Variants in ZBBX observed in about 807,000 individuals in gnomAD.
ZBBX encodes zinc finger B-box domain-containing protein 1.
In ZBBX, 101 loss-of-function variants were observed where a neutral mutation model predicts 108.5. That is an observed-to-expected ratio of 0.93 (90% CI 0.79 to 1.10). ZBBX has a LOEUF of 1.10. Among genes scored for constraint, ZBBX ranks in the 50% least tolerant of loss-of-function variants. The probability of loss-of-function intolerance (pLI) is 0.00; values close to 1 mark genes in which losing one functional copy is unlikely to be tolerated. For synonymous variants in ZBBX, 356 were observed against 323.4 expected, an observed-to-expected ratio of 1.10 and a Z score of -1.08; for missense variants, 1,009 against 941.4, an observed-to-expected ratio of 1.07 and a Z score of -0.94.
intron 20 of ZBBX, among the ~76,000 whole-genome samples, chr3:167,256,143 CT>C (rs576395949): frequency 3.5e-3 from 530 of 152,206 alleles, no homozygotes; most frequent in Non-Finnish European, 6.3e-3. Flanking sequence ...GAATCTTATC[CT>C]CTTTTATGAT....
intron 1 of ZBBX, among the ~76,000 whole-genome samples, chr3:167,401,175 T>A (rs116492141): frequency 0.015 from 2,213 of 152,286 alleles, 57 homozygotes; most frequent in African/African-American, 0.051. Context: ...TCTAAGATTG[T>A]ATATCAGGGC....
At chr3:167,287,820 C>T (rs936582728) in intron 19 of ZBBX, among the ~76,000 whole-genome samples, 1 of 152,046 alleles carries the variant, frequency 6.6e-6, no homozygotes. Flanking sequence ...ATCATAAATA[C>T]ATTGTTTTCT....
intron 8 of ZBBX, among the ~76,000 whole-genome samples, chr3:167,358,373 G>A (rs969450616): frequency 2.6e-5 from 4 of 151,900 alleles, no homozygotes; most frequent in African/African-American, 4.8e-5. Context: ...AGGGGATGGG[G>A]GGAATGGGGA....
chr3:167,204,150 T>C, the ZBBX span, among the ~76,000 whole-genome samples: 17 of 152,034 alleles, frequency 1.1e-4, no homozygotes, highest in African/African-American at 4.8e-5. Context: ...AGTTCCTTGG[T>C]TTACTTGTAA....
intron 4 of ZBBX, 68 bp downstream of exon 4, chr3:167,372,766 A>C: frequency 1.3e-6 from 1 of 749,874 alleles, no homozygotes; most frequent in Non-Finnish European, 2.2e-6. Flanking sequence ...TTCACAAAAT[A>C]GTCAAAATTA....
At chr3:167,344,416 T>C (rs1741088706) in intron 9 of ZBBX, among the ~76,000 whole-genome samples, 1 of 151,902 alleles carries the variant, frequency 6.6e-6, no homozygotes. Flanking sequence ...CAATGATTCC[T>C]GGACAAGTGT....
At chr3:167,356,759 C>G (rs919194429) in intron 8 of ZBBX, among the ~76,000 whole-genome samples, 1 of 152,130 alleles carries the variant, frequency 6.6e-6, no homozygotes, top group East Asian at 1.9e-4. Context: ...TACACTCCTA[C>G]CCTCATGAAG....
the ZBBX span, among the ~76,000 whole-genome samples, chr3:167,221,969 A>G: frequency 2.6e-5 from 4 of 151,958 alleles, no homozygotes; most frequent in African/African-American, 4.8e-5. Context: ...GTTGGTGAGG[A>G]TGTAAATTAG....
chr3:167,219,214 C>G, the ZBBX span, among the ~76,000 whole-genome samples: 1 of 151,952 alleles, frequency 6.6e-6, no homozygotes, highest in Non-Finnish European at 1.5e-5. Flanking sequence ...TTCAGCATTA[C>G]ACAGATAATC....
At chr3:167,182,141 T>A in the ZBBX span, among the ~76,000 whole-genome samples, 1 of 152,170 alleles carries the variant, frequency 6.6e-6, no homozygotes, top group Non-Finnish European at 1.5e-5. Context: ...ACAGTCTTTT[T>A]TAGTGTGACC....
intron 4 of ZBBX, among the ~76,000 whole-genome samples, 153 bp downstream of exon 4, chr3:167,372,681 A>G (rs777060824): frequency 1.3e-5 from 2 of 152,216 alleles, no homozygotes; most frequent in African/African-American, 2.4e-5. Flanking sequence ...TTTTTAAACT[A>G]TTATAGATTT....
chr3:167,186,257 C>A, the ZBBX span, among the ~76,000 whole-genome samples: 3,423 of 152,020 alleles, frequency 0.023, 63 homozygotes, highest in Non-Finnish European at 0.036. Context: ...AATTTTATAT[C>A]CATTTGAAGC....
chr3:167,341,600 A>G (rs539438318), intron 9 of ZBBX, among the ~76,000 whole-genome samples: 2 of 152,094 alleles, frequency 1.3e-5, no homozygotes, highest in Non-Finnish European at 2.9e-5. Context: ...CAGAATAGCA[A>G]AAACAAAATA....
In ZBBX at chr3:167,315,820, C is replaced by T; in HGVS notation, c.1204G>A (p.Glu402Lys). 6.3e-7 allele frequency: 1 copy of T among 1,591,730 alleles called. No individual in the cohort carries two copies. Among genetic ancestry groups the T allele is most frequent in the Non-Finnish European group, 8.6e-7 (1 of 1,164,448 alleles). Residue 402 changes from glutamate (E) to lysine (K), a missense_variant, in exon 15 of 22, where the codon GAG becomes AAG. Transcript: ENST00000675490. Reference protein sequence around the residue: ...KIVELDDTYEEEFEEAENIVP... With the variant: ...KIVELDDTYEKEFEEAENIVP... The stretch of plus-strand genomic sequence containing the variant: ...ATATTTTCTGCTTCTTCAAATTCCT[C>T]TTCATAAGTCTTATTAAATTAATGT...
At chr3:167,189,887 T>C in the ZBBX span, among the ~76,000 whole-genome samples, 1 of 152,216 alleles carries the variant, frequency 6.6e-6, no homozygotes, top group Non-Finnish European at 1.5e-5. Context: ...AATTCCACCA[T>C]TGCAGCAGAC....
At chr3:167,378,636 G>A (rs1278881581) in intron 2 of ZBBX, among the ~76,000 whole-genome samples, 2 of 152,132 alleles carry the variant, frequency 1.3e-5, no homozygotes, top group South Asian at 2.1e-4. Context: ...CACGGTTCAG[G>A]GAAAGGGGCA....
At chr3:167,398,413 A>G (rs2108641527) in intron 1 of ZBBX, among the ~76,000 whole-genome samples, 1 of 152,178 alleles carries the variant, frequency 6.6e-6, no homozygotes, top group East Asian at 1.9e-4. Flanking sequence ...ATATGCTTTT[A>G]TTATGGAAAA....
the ZBBX span, among the ~76,000 whole-genome samples, chr3:167,232,966 T>G: frequency 6.6e-6 from 1 of 151,718 alleles, no homozygotes; most frequent in African/African-American, 2.4e-5. Context: ...TTTCCCCTTT[T>G]ATAAAATAAA....
At chr3:167,311,974 C>G (rs1294192283) in intron 16 of ZBBX, among the ~76,000 whole-genome samples, 1 of 152,118 alleles carries the variant, frequency 6.6e-6, no homozygotes, top group Non-Finnish European at 1.5e-5. Flanking sequence ...CCAATAAAAA[C>G]CCATACATGA....
Sources: allele counts gnomAD v4.1 joint callset (sites outside exome capture counted in the v4.1 genomes callset), GRCh38; gene constraint gnomAD v4.1.1; transcripts MANE v1.5; gene names NCBI Gene and HGNC (gene_info 2026-07-23, HGNC 2026-07-21).